ADRA1B: variants seen among roughly 807,000 people sequenced by gnomAD.
ADRA1B encodes the protein alpha-1B adrenergic receptor.
In ADRA1B, 17 loss-of-function variants were observed where a neutral mutation model predicts 17.9. That is an observed-to-expected ratio of 0.95 (90% CI 0.65 to 1.42). ADRA1B has a LOEUF of 1.42. Ranked by LOEUF, ADRA1B falls within the 40% of genes most tolerant of loss-of-function variation. ADRA1B has a pLI of 0.00. For synonymous variants in ADRA1B, 366 were observed against 327.6 expected (o/e 1.12, Z -1.27); for missense variants, 681 against 722.1 (o/e 0.94, Z 0.65).
the ADRA1B span, among the ~76,000 whole-genome samples, chr5:159,980,823 G>A: frequency 2.0e-5 from 3 of 152,010 alleles, no homozygotes; most frequent in African/African-American, 4.8e-5. Flanking sequence ...TCAGGAAAGC[G>A]CAAACCTCTC....
intron 1 of ADRA1B, among the ~76,000 whole-genome samples, chr5:159,882,813 A>G (rs1187352843): frequency 1.3e-5 from 2 of 152,142 alleles, no homozygotes; most frequent in Non-Finnish European, 2.9e-5. Context: ...GGACCCTGTA[A>G]CTGTTAGGGC....
rs1464788953 is a variant in ADRA1B at position 159,972,051 on chromosome 5, A to C, written c.1122A>C (p.Arg374=). 1.7e-5 allele frequency: 23 copies of C among 1,348,830 alleles called. No individual in the cohort carries two copies. The highest frequency in any genetic ancestry group is 2.1e-4 in the Middle Eastern group (1 of 4,684). 83.6% of individuals were successfully genotyped at this position (1,348,830 alleles called of 1,614,324 possible). The change falls in exon 2 of 2, where the codon CGA becomes CGC. Residue 374 remains arginine, a synonymous_variant. Transcript: ENST00000306675. The part of the protein sequence containing the change: ...GCQCRGRGRR[R]RRRRRRLGGC... Reference sequence around the variant, plus strand: ...AGTGCCGCGGCCGCGGCCGCCGCCGACGCCGCCGCCGCCGTCGCCTGGGCG... The same window carrying C: ...AGTGCCGCGGCCGCGGCCGCCGCCGCCGCCGCCGCCGCCGTCGCCTGGGCG...
chr5:159,947,863 C>T, intron 1 of ADRA1B: 1 of 985,414 alleles, frequency 1.0e-6, no homozygotes, highest in Non-Finnish European at 1.2e-6. Flanking sequence ...GCAATTAGCA[C>T]AAAAATTTAG....
intron 1 of ADRA1B, among the ~76,000 whole-genome samples, chr5:159,886,956 C>T (rs1753931958): frequency 6.6e-6 from 1 of 151,984 alleles, no homozygotes; most frequent in Non-Finnish European, 1.5e-5. Flanking sequence ...TGCTCAGTGC[C>T]TTCAAAGACA....
At chr5:159,976,187 A>G (rs1292947336), downstream of ADRA1B, among the ~76,000 whole-genome samples, 2 of 152,238 alleles carry the variant, frequency 1.3e-5, no homozygotes, top group African/African-American at 4.8e-5. Context: ...TGAGCATCCC[A>G]TGAACAGTAG....
At chr5:159,910,875 A>AT (rs1276315921) in intron 1 of ADRA1B, among the ~76,000 whole-genome samples, 1 of 151,898 alleles carries the variant, frequency 6.6e-6, no homozygotes, top group Non-Finnish European at 1.5e-5. Flanking sequence ...TGCCATAGGT[A>AT]TTTTTTGCTG....
chr5:159,943,358 G>A (rs546543556), intron 1 of ADRA1B, among the ~76,000 whole-genome samples: 14 of 151,882 alleles, frequency 9.2e-5, no homozygotes, highest in Non-Finnish European at 1.6e-4. Context: ...TTTGTAAATC[G>A]AGCTCTCATA....
chr5:159,969,309 C>T (rs1202591474), intron 1 of ADRA1B, among the ~76,000 whole-genome samples: 1 of 149,550 alleles, frequency 6.7e-6, no homozygotes, highest in Non-Finnish European at 1.5e-5. Flanking sequence ...CAGCCATTGC[C>T]CCCCAGCAGC....
At chr5:159,915,408 G>A (rs142028141), upstream of ADRA1B, among the ~76,000 whole-genome samples, 579 of 152,312 alleles carry the variant, frequency 3.8e-3, 6 homozygotes, top group African/African-American at 0.013. Context: ...CAAAATAAAT[G>A]TTGGATAAAT....
intron 1 of ADRA1B, among the ~76,000 whole-genome samples, chr5:159,924,206 T>G (rs1427435334): frequency 6.6e-6 from 1 of 150,850 alleles, no homozygotes; most frequent in Non-Finnish European, 1.5e-5. Flanking sequence ...CTAAAGACTG[T>G]CTTTTCTATT....
chr5:159,943,912 T>TCACACACA (rs70987984), intron 1 of ADRA1B, among the ~76,000 whole-genome samples: 10 of 147,544 alleles, frequency 6.8e-5, no homozygotes, highest in African/African-American at 2.3e-4. Flanking sequence ...TCTGTCTCTC[T>TCACACACA]CACACACACA....
intron 1 of ADRA1B, among the ~76,000 whole-genome samples, chr5:159,939,803 C>T (rs1404878441): frequency 6.6e-6 from 1 of 152,208 alleles, no homozygotes; most frequent in East Asian, 1.9e-4. Context: ...AAGCCTTTGC[C>T]AGTGCAATTC....
chr5:159,910,789 T>C (rs1036316549), intron 1 of ADRA1B, among the ~76,000 whole-genome samples: 2 of 152,326 alleles, frequency 1.3e-5, no homozygotes, highest in East Asian at 3.9e-4. Context: ...GACACTTCTG[T>C]AGTCTCTGAT....
At chr5:159,944,951 T>C (rs986056488) in intron 1 of ADRA1B, among the ~76,000 whole-genome samples, 4 of 152,066 alleles carry the variant, frequency 2.6e-5, no homozygotes, top group African/African-American at 9.7e-5. Context: ...TAAATAAGCA[T>C]GTGATATCAG....
intron 1 of ADRA1B, among the ~76,000 whole-genome samples, chr5:159,970,420 C>G (rs968337252): frequency 1.3e-5 from 2 of 152,158 alleles, no homozygotes; most frequent in Non-Finnish European, 2.9e-5. Context: ...ACATGTCACC[C>G]TGGGCCTCTA....
At chr5:159,889,330 CCAT>C (rs1753958224) in intron 1 of ADRA1B, among the ~76,000 whole-genome samples, 1 of 151,946 alleles carries the variant, frequency 6.6e-6, no homozygotes, top group Non-Finnish European at 1.5e-5. Flanking sequence ...CTCCCTCTCC[CCAT>C]CACAAATACA....
the ADRA1B span, among the ~76,000 whole-genome samples, chr5:159,980,332 C>G: frequency 3.3e-5 from 5 of 152,164 alleles, no homozygotes; most frequent in African/African-American, 9.7e-5. Context: ...AAATGACACT[C>G]TAAAAGATTT....
downstream of ADRA1B, among the ~76,000 whole-genome samples, chr5:159,977,487 G>T (rs1755991013): frequency 6.6e-6 from 1 of 152,234 alleles, no homozygotes; most frequent in African/African-American, 2.4e-5. Context: ...GGGTGATGGT[G>T]AAGTGCTCCA....
chr5:159,960,337 A>G (rs1244427834), intron 1 of ADRA1B, among the ~76,000 whole-genome samples: 2 of 152,234 alleles, frequency 1.3e-5, no homozygotes, highest in African/African-American at 4.8e-5. Context: ...AATAGGTCTT[A>G]TATTCTAACC....
Sources: gnomAD v4.1 joint callset for allele counts (sites outside exome capture counted in the v4.1 genomes callset) on GRCh38, gnomAD v4.1.1 for gene constraint, MANE v1.5 for transcripts, NCBI Gene and HGNC (gene_info 2026-07-23, HGNC 2026-07-21) for gene names.